The following PSPC1 variants were observed in gnomAD, a reference collection of about 807,000 sequenced individuals.
PSPC1 encodes paraspeckle component 1.
In PSPC1, 14 loss-of-function variants were observed where a neutral mutation model predicts 51.6. The observed-to-expected ratio is 0.27, with a 90% CI of 0.18 to 0.42. The LOEUF is 0.42. Among genes scored for constraint, PSPC1 ranks in the 10% least tolerant of loss-of-function variants. PSPC1 has a pLI of 1.00. For missense variants in PSPC1, 406 were observed against 701.1 expected, an observed-to-expected ratio of 0.58 and a Z score of 4.75; for synonymous variants, 193 against 231.9, an observed-to-expected ratio of 0.83 and a Z score of 1.53.
intron 4 of PSPC1, among the ~76,000 whole-genome samples, chr13:19,742,275 A>C: frequency 6.8e-6 from 1 of 147,790 alleles, no homozygotes; most frequent in East Asian, 2.0e-4. Flanking sequence ...AAAAAAAAAA[A>C]ACAAACAAAT....
chr13:19,782,452 G>A lies in PSPC1; in HGVS notation c.306C>T (p.Phe102=). 1 of 1,611,188 alleles carries A rather than the reference G, an allele frequency of 6.2e-7. No homozygotes were observed. Among genetic ancestry groups the A allele is most frequent in the Non-Finnish European group, 8.5e-7 (1 of 1,178,678 alleles). The change falls in exon 1 of 9, where the codon TTC becomes TTT. Residue 102 remains phenylalanine (F), a synonymous_variant. Transcript: ENST00000338910. The surrounding 1 kb of genome is among the most constrained non-coding windows in gnomAD (Gnocchi z 4.5). ...CTTCGCTGGGCTCGCCATAGCGTTC[G>A]AAGAGCCTCTTGAAGTCCTCCTCCG... The part of the protein sequence containing the change: ...DITEEDFKRL[F]ERYGEPSEVF...
intron 4 of PSPC1, among the ~76,000 whole-genome samples, chr13:19,750,997 G>A (rs372716213): frequency 3.3e-5 from 5 of 152,072 alleles, no homozygotes; most frequent in African/African-American, 9.6e-5. Context: ...TCGAACTCCC[G>A]ACCTCAGGTG....
intron 6 of PSPC1, among the ~76,000 whole-genome samples, chr13:19,692,269 T>C (rs1377199743): frequency 6.6e-6 from 1 of 152,050 alleles, no homozygotes; most frequent in African/African-American, 2.4e-5. Context: ...AACCACAGGT[T>C]TGCGTCACCA....
intron 1 of PSPC1, among the ~76,000 whole-genome samples, chr13:19,779,671 C>T (rs1174537303): frequency 1.2e-5 from 1 of 85,912 alleles, no homozygotes; most frequent in Non-Finnish European, 2.4e-5. Context: ...CCGCCCCGTC[C>T]GGGAGGGAGG....
chr13:19,689,038 ACTAGC>A (rs1878260320), intron 6 of PSPC1, among the ~76,000 whole-genome samples: 1 of 152,254 alleles, frequency 6.6e-6, no homozygotes, highest in African/African-American at 2.4e-5. Flanking sequence ...CAGTGTGTGC[ACTAGC>A]CAAAGGAAAA....
intron 6 of PSPC1, among the ~76,000 whole-genome samples, chr13:19,725,677 T>C (rs910274400): frequency 2.0e-5 from 3 of 152,172 alleles, no homozygotes; most frequent in Non-Finnish European, 2.9e-5. Context: ...GCCTGGTCTG[T>C]TCTAGTCTGT....
chr13:19,772,678 T>C, intron 1 of PSPC1, 135 bp from the exon 2 acceptor site: 2 of 767,404 alleles, frequency 2.6e-6, no homozygotes, highest in Non-Finnish European at 4.1e-6. Context: ...ATCTTTTAAC[T>C]TTGGTATCAC....
intron 3 of PSPC1, among the ~76,000 whole-genome samples, chr13:19,755,775 G>T (rs779758190): frequency 3.4e-4 from 52 of 152,162 alleles, no homozygotes; most frequent in Non-Finnish European, 5.9e-4. Context: ...ACACACTGAA[G>T]AACTCCAAGG....
chr13:19,696,214 A>G (rs1262779870), intron 6 of PSPC1, among the ~76,000 whole-genome samples: 1 of 152,196 alleles, frequency 6.6e-6, no homozygotes, highest in Non-Finnish European at 1.5e-5. Flanking sequence ...AAGCAGAGTC[A>G]GAGAGTCCCC....
chr13:19,781,058 G>A (rs933900823), intron 1 of PSPC1, among the ~76,000 whole-genome samples: 3 of 151,768 alleles, frequency 2.0e-5, no homozygotes, highest in East Asian at 3.9e-4. Flanking sequence ...AGCTACTCGG[G>A]AGGCTGAGGT....
chr13:19,717,775 G>A (rs1445293041), intron 6 of PSPC1, among the ~76,000 whole-genome samples: 4 of 151,582 alleles, frequency 2.6e-5, no homozygotes, highest in Admixed American at 2.6e-4. Flanking sequence ...CTACTTAGAA[G>A]GCTGAGACAG....
intron 2 of PSPC1, among the ~76,000 whole-genome samples, chr13:19,769,623 T>C (rs1325570818): frequency 6.7e-6 from 1 of 149,536 alleles, no homozygotes; most frequent in Non-Finnish European, 1.5e-5. Flanking sequence ...TAATCCCAGC[T>C]ATCTGGGAGG....
At chr13:19,748,182 G>A (rs1470470363) in intron 4 of PSPC1, among the ~76,000 whole-genome samples, 1 of 151,344 alleles carries the variant, frequency 6.6e-6, no homozygotes, top group African/African-American at 2.4e-5. Context: ...TTGCACCACT[G>A]CACTCCAGCT....
chr13:19,746,449 G>T (rs1257002735), intron 4 of PSPC1, among the ~76,000 whole-genome samples: 2 of 151,650 alleles, frequency 1.3e-5, no homozygotes, highest in African/African-American at 4.8e-5. Context: ...ATGGAGCCAG[G>T]CGCAGTGGCT....
chr13:19,765,344 AATTATT>A lies in PSPC1; in HGVS notation c.675-5932_675-5927del, dbSNP rs749463540. ...TCTCAAAAATAATAATAATAATAATAATTATTATTATTATTATTATTACCAGGATGA... is the reference window on the plus strand; with the variant it reads ...TCTCAAAAATAATAATAATAATAATAATTATTATTATTATTACCAGGATGA... On this transcript the variant is annotated intron_variant, in intron 2 of 8. Transcript: ENST00000338910. 9.2e-5 allele frequency among the ~76,000 whole-genome samples: 13 copies of A among 141,360 alleles called. No individual in the cohort carries two copies. In the East Asian group the frequency reaches 1.6e-3, roughly 17 times the overall value. 92.7% of individuals were successfully genotyped at this position (141,360 alleles called of 152,430 possible).
chr13:19,756,329 C>G, intron 3 of PSPC1, among the ~76,000 whole-genome samples: 1 of 152,106 alleles, frequency 6.6e-6, no homozygotes, highest in Non-Finnish European at 1.5e-5. Flanking sequence ...CCCTTCGCTC[C>G]TTCCTTGCTT....
rs776896573 is a variant in PSPC1, at chr13:19,724,867, C to CG, written c.1158+5371dup. On this transcript the variant is annotated intron_variant, in intron 6 of 8. Coordinates refer to ENST00000338910, the MANE Select transcript of PSPC1 (RefSeq NM_001354909.2). The stretch of plus-strand genomic sequence containing the variant: ...TACAAAAATTACCCAGGCGTGGTGG[C>CG]GCACGCCTGTAGTCCCAGCTATTTG... Among the ~76,000 whole-genome samples the CG allele has an allele frequency of 2.6e-5, 4 of 152,092 alleles. No homozygotes were observed. The East Asian group carries it at 5.8e-4, about 22-fold the overall frequency.
chr13:19,781,056 G>T (rs1446803351), intron 1 of PSPC1, among the ~76,000 whole-genome samples: 1 of 151,682 alleles, frequency 6.6e-6, no homozygotes, highest in Non-Finnish European at 1.5e-5. Context: ...CCAGCTACTC[G>T]GGAGGCTGAG....
In PSPC1 at chr13:19,730,958, A is replaced by AAC. The variant is rs1555236439; in HGVS notation, c.1053-615_1053-614insGT. Among the ~76,000 whole-genome samples the AAC allele has an allele frequency of 2.0e-3, 62 of 31,568 alleles. 2 individuals are homozygous for AAC. The highest frequency in any genetic ancestry group is 9.7e-3 in the South Asian group (5 of 516). The allele number at this position is 31,568 out of a possible 152,430, so 20.7% of individuals were successfully genotyped here. A position where few individuals can be genotyped will look rare whatever the true frequency, so the allele number is the denominator to read the frequency against. ...AGACCCTGTCTCAGAAAAAAAAAAC[A>AAC]AAAAAACAAAAAAAAAAAAAACAGA... is the stretch of plus-strand genomic sequence containing the variant. On this transcript the variant is annotated intron_variant, in intron 5 of 8. Transcript: ENST00000338910.
Sources: allele counts gnomAD v4.1 joint callset (sites outside exome capture counted in the v4.1 genomes callset), GRCh38; gene constraint gnomAD v4.1.1; non-coding constraint Gnocchi (gnomAD v3.1); transcripts MANE v1.5; gene names NCBI Gene and HGNC (gene_info 2026-07-23, HGNC 2026-07-21).